L3MBTL4: variants seen among roughly 807,000 people sequenced by gnomAD.
L3MBTL4 encodes the protein lethal(3)malignant brain tumor-like protein 4.
In L3MBTL4, 70 loss-of-function variants were observed where a neutral mutation model predicts 84.5. The ratio of observed to expected loss-of-function variants is 0.83; its 90% CI spans 0.68 to 1.01. The LOEUF (loss-of-function observed/expected upper bound fraction) is 1.01, where lower values mean the gene tolerates loss of function less well. Ranked by LOEUF, L3MBTL4 falls within the 50% of genes least tolerant of loss-of-function variation. The probability of loss-of-function intolerance (pLI) is 0.00; values close to 1 mark genes in which losing one functional copy is unlikely to be tolerated. For synonymous variants in L3MBTL4, 274 were observed against 259.8 expected, an observed-to-expected ratio of 1.05 and a Z score of -0.52; for missense variants, 715 against 754.8, an observed-to-expected ratio of 0.95 and a Z score of 0.62.
intron 1 of L3MBTL4, among the ~76,000 whole-genome samples, chr18:6,348,517 G>GTACT (rs1248912445): frequency 6.6e-6 from 1 of 152,110 alleles, no homozygotes; most frequent in Non-Finnish European, 1.5e-5. Context: ...TGAATGAATA[G>GTACT]TACTGGGGCC....
At chr18:6,018,379 T>C (rs747560223) in intron 16 of L3MBTL4, among the ~76,000 whole-genome samples, 14 of 152,164 alleles carry the variant, frequency 9.2e-5, no homozygotes, top group Non-Finnish European at 1.6e-4. Context: ...GCACGGGTGA[T>C]TCTGATGAAC....
chr18:6,268,317 G>T (rs1909175378), intron 4 of L3MBTL4, among the ~76,000 whole-genome samples: 1 of 152,142 alleles, frequency 6.6e-6, no homozygotes. Flanking sequence ...TGAGACAGGA[G>T]AATTGCTTGA....
intron 14 of L3MBTL4, among the ~76,000 whole-genome samples, chr18:6,107,119 C>T (rs183613707): frequency 1.7e-4 from 26 of 152,268 alleles, no homozygotes; most frequent in Admixed American, 1.4e-3. Flanking sequence ...TAATAGTGCA[C>T]ATTATTTCAT....
chr18:6,037,550 C>T (rs2056196557), intron 16 of L3MBTL4, among the ~76,000 whole-genome samples: 1 of 152,232 alleles, frequency 6.6e-6, no homozygotes, highest in Non-Finnish European at 1.5e-5. Context: ...CCACCACGCT[C>T]TACATGGAAA....
chr18:6,016,939 T>C (rs2055013632), intron 16 of L3MBTL4, among the ~76,000 whole-genome samples: 1 of 151,858 alleles, frequency 6.6e-6, no homozygotes. Context: ...AGGCCAGGGG[T>C]ACCACCGCCT....
At chr18:6,113,574 C>G (rs1008520013) in intron 14 of L3MBTL4, among the ~76,000 whole-genome samples, 2 of 151,882 alleles carry the variant, frequency 1.3e-5, no homozygotes, top group Non-Finnish European at 2.9e-5. Flanking sequence ...GTGACAGTGG[C>G]TCCTGTAGGC....
At chr18:6,171,276 A>G (rs1197807928) in intron 13 of L3MBTL4, among the ~76,000 whole-genome samples, 2 of 152,220 alleles carry the variant, frequency 1.3e-5, no homozygotes, top group Non-Finnish European at 2.9e-5. Flanking sequence ...CTTCAGACAA[A>G]AAAATAAGGT....
chr18:6,118,085 C>T (rs1444794587), intron 14 of L3MBTL4, among the ~76,000 whole-genome samples: 3 of 152,094 alleles, frequency 2.0e-5, no homozygotes, highest in Non-Finnish European at 2.9e-5. Context: ...CTGTCACCTC[C>T]TCTGCCCCAT....
intron 1 of L3MBTL4, among the ~76,000 whole-genome samples, chr18:6,358,795 T>C (rs1052718669): frequency 5.3e-5 from 8 of 152,196 alleles, no homozygotes; most frequent in African/African-American, 1.9e-4. Context: ...GCCAGTTCCC[T>C]GAAGCAAGGT....
At chr18:6,149,605 A>T (rs1225465204) in intron 13 of L3MBTL4, among the ~76,000 whole-genome samples, 6 of 152,082 alleles carry the variant, frequency 3.9e-5, no homozygotes, top group Non-Finnish European at 7.4e-5. Flanking sequence ...CTAGTTCTAG[A>T]TCCCTGAGGA....
intron 9 of L3MBTL4, among the ~76,000 whole-genome samples, chr18:6,238,251 T>C (rs2047298670): frequency 6.6e-6 from 1 of 152,116 alleles, no homozygotes; most frequent in African/African-American, 2.4e-5. Context: ...AGTATAAAAT[T>C]GGCTGGGCGC....
intron 1 of L3MBTL4, among the ~76,000 whole-genome samples, chr18:6,373,905 A>G (rs1352205085): frequency 6.6e-6 from 1 of 152,214 alleles, no homozygotes; most frequent in Non-Finnish European, 1.5e-5. Flanking sequence ...GTTTCCTAAG[A>G]TACTGACAAA....
In L3MBTL4 at chr18:6,241,142, C is replaced by T. The variant is rs1302843451; in HGVS notation, c.552+216G>A. Reference sequence around the variant, plus strand: ...ACATAAAGTTTTTAAGTTTTCCCAACTTTTTCTCATCTAATTGAAGTATTT... The same window carrying T: ...ACATAAAGTTTTTAAGTTTTCCCAATTTTTTCTCATCTAATTGAAGTATTT... On this transcript the variant is annotated intron_variant, in intron 8 of 18. Coordinates refer to ENST00000317931, the MANE Select transcript of L3MBTL4 (RefSeq NM_001330559.2). Among the ~76,000 whole-genome samples the T allele has an allele frequency of 3.3e-5, 5 of 152,154 alleles. No homozygotes were observed. The South Asian group carries it at 8.3e-4, about 25-fold the overall frequency.
intron 1 of L3MBTL4, among the ~76,000 whole-genome samples, chr18:6,392,899 T>TC (rs1568598019): frequency 1.2e-4 from 18 of 151,956 alleles, no homozygotes; most frequent in African/African-American, 4.3e-4. Flanking sequence ...TAGAGTGGTA[T>TC]CAAGAACTTT....
At chr18:6,081,442 T>G (rs1446150281) in intron 15 of L3MBTL4, among the ~76,000 whole-genome samples, 1 of 152,222 alleles carries the variant, frequency 6.6e-6, no homozygotes, top group Non-Finnish European at 1.5e-5. Context: ...GGCCTAATTC[T>G]GTTATTCTTT....
At chr18:6,317,421 C>T (rs2051163900) in intron 1 of L3MBTL4, among the ~76,000 whole-genome samples, 1 of 151,726 alleles carries the variant, frequency 6.6e-6, no homozygotes, top group African/African-American at 2.4e-5. Context: ...CCAATCAGAA[C>T]ATCTGGAAAT....
intron 10 of L3MBTL4, among the ~76,000 whole-genome samples, chr18:6,219,142 C>G (rs564632076): frequency 3.3e-5 from 5 of 152,204 alleles, no homozygotes; most frequent in Admixed American, 3.3e-4. Context: ...CCTTGAGCAG[C>G]CTGCCAAGTG....
chr18:6,165,736 G>A (rs1265273749), intron 13 of L3MBTL4, among the ~76,000 whole-genome samples: 1 of 152,194 alleles, frequency 6.6e-6, no homozygotes, highest in African/African-American at 2.4e-5. Context: ...ATGCCAAATT[G>A]TAAAGACCAT....
intron 4 of L3MBTL4, among the ~76,000 whole-genome samples, chr18:6,290,035 C>A (rs1009711463): frequency 6.6e-6 from 1 of 152,130 alleles, no homozygotes; most frequent in Non-Finnish European, 1.5e-5. Context: ...ATCCTCTGGC[C>A]TCAGCCTCCT....
Sources: allele counts gnomAD v4.1 joint callset (sites outside exome capture counted in the v4.1 genomes callset), GRCh38; gene constraint gnomAD v4.1.1; transcripts MANE v1.5; gene names NCBI Gene and HGNC (gene_info 2026-07-23, HGNC 2026-07-21).